The following ALDH3A2 variants were observed in gnomAD, a reference collection of about 807,000 sequenced individuals.
The protein encoded by ALDH3A2 is aldehyde dehydrogenase 3 family member A2.
Under a neutral mutation model 51.3 loss-of-function variants are expected in ALDH3A2, and 36 were observed. The observed-to-expected ratio is 0.70, with a 90% confidence interval of 0.54 to 0.93. The LOEUF (loss-of-function observed/expected upper bound fraction) is 0.93, where lower values mean the gene tolerates loss of function less well. ALDH3A2 is among the 40% of genes least tolerant of loss of function. The pLI is 0.00. For missense variants in ALDH3A2, 552 were observed against 603.1 expected (o/e 0.92, Z 0.89); for synonymous variants, 199 against 219.8 (o/e 0.91, Z 0.84).
intron 9 of ALDH3A2, chr17:19,674,777 C>T (rs2085165398): frequency 6.6e-6 from 1 of 152,088 alleles, no homozygotes; most frequent in South Asian, 2.1e-4. Flanking sequence ...ATCAAATTAC[C>T]TTTTATTTAA....
chr17:19,649,346 G>T (rs2084782898), intron 1 of ALDH3A2: 1 of 563,640 alleles, frequency 1.8e-6, no homozygotes, highest in South Asian at 2.5e-5. Context: ...TTCCTTTTCT[G>T]CCTTTTCTAT....
chr17:19,652,118 C>T (rs937930106), intron 2 of ALDH3A2, among the ~76,000 whole-genome samples: 1 of 152,134 alleles, frequency 6.6e-6, no homozygotes, highest in African/African-American at 2.4e-5. Context: ...TCTGTCTGAC[C>T]AGTTTCTTCA....
intron 1 of ALDH3A2, 67 bp downstream of exon 1, chr17:19,649,191 G>C: frequency 6.6e-7 from 1 of 1,520,006 alleles, no homozygotes; most frequent in Non-Finnish European, 8.9e-7. Flanking sequence ...CTGGAGCTTC[G>C]GCTGGGTTTT....
chr17:19,671,803 A>G lies in ALDH3A2; in HGVS notation c.1290A>G (p.Leu430=), dbSNP rs2085117598. 1 of 1,614,072 alleles carries G rather than the reference A, an allele frequency of 6.2e-7. No individual in the cohort carries two copies. The highest frequency in any genetic ancestry group is 8.5e-7 in the Non-Finnish European group (1 of 1,180,040). The part of the protein sequence containing the change: ...SHQRPCLLKS[L]KREGANKLRY... ...AGCGTCCCTGTTTATTAAAAAGTTTAAAGAGAGAAGGTGCTAACAAACTCA... is the reference window on the plus strand; with the variant it reads ...AGCGTCCCTGTTTATTAAAAAGTTTGAAGAGAGAAGGTGCTAACAAACTCA... Residue 430 remains leucine (L), a synonymous_variant, in exon 9 of 10, where the codon TTA becomes TTG. Coordinates refer to ENST00000176643, the MANE Select transcript of ALDH3A2 (RefSeq NM_000382.3).
Position 19,663,523 on chromosome 17 carries a change from G to A in ALDH3A2, c.1107+24G>A, listed in dbSNP as rs952504983. 9.9e-6 allele frequency: 16 copies of A among 1,611,744 alleles called. No homozygotes were observed. The East Asian group carries it at 3.6e-4, about 36-fold the overall frequency. On this transcript the variant is annotated intron_variant, in intron 7 of 9. Transcript: ENST00000176643. Reference sequence around the variant, plus strand: ...AGGTAAGCTTTAGAGAGAACAGCTAGTTAGCATAAGCAACTGTCAAGAGTC... The same window carrying A: ...AGGTAAGCTTTAGAGAGAACAGCTAATTAGCATAAGCAACTGTCAAGAGTC...
intron 5 of ALDH3A2, among the ~76,000 whole-genome samples, chr17:19,660,317 G>A (rs2084950222): frequency 6.6e-6 from 1 of 152,054 alleles, no homozygotes; most frequent in South Asian, 2.1e-4. Context: ...TACTGTTGGT[G>A]ACTCTCGAGT....
rs758267023 is a variant in ALDH3A2 at position 19,663,398 on chromosome 17, A to G, written c.1006A>G (p.Ile336Val). 3.7e-6 allele frequency: 6 copies of G among 1,614,068 alleles called. No individual in the cohort carries two copies. Among genetic ancestry groups the G allele is most frequent in the South Asian group, 1.1e-5 (1 of 91,090 alleles). ...KVMQEEIFGP[I>V]LPIVPVKNVD... ...GATGCAAGAAGAAATTTTTGGACCAATTCTTCCAATAGTGCCTGTGAAAAA... is the reference window on the plus strand; with the variant it reads ...GATGCAAGAAGAAATTTTTGGACCAGTTCTTCCAATAGTGCCTGTGAAAAA... Residue 336 changes from isoleucine (I) to valine (V), a missense_variant, in exon 7 of 10, where the codon ATT becomes GTT. Physicochemically the swap from Ile to Val is conservative, Grantham distance 29 (BLOSUM62 3). Transcript: ENST00000176643.
chr17:19,668,219 A>G (rs1279327300), intron 8 of ALDH3A2, among the ~76,000 whole-genome samples: 1 of 151,990 alleles, frequency 6.6e-6, no homozygotes, highest in Admixed American at 6.6e-5. Context: ...TCCAGATTTT[A>G]ATTTTTCTTT....
In ALDH3A2 at chr17:19,651,783, G is replaced by A. The variant is rs758189958; in HGVS notation, c.385+5G>A. The A allele has an allele frequency of 6.2e-7, 1 of 1,611,944 alleles. No homozygotes were observed. Among genetic ancestry groups the A allele is most frequent in the Admixed American group, 1.7e-5 (1 of 59,988 alleles). On this transcript the variant is annotated splice_donor_5th_base_variant and intron_variant, in intron 2 of 9. Coordinates refer to ENST00000176643, the MANE Select transcript of ALDH3A2 (RefSeq NM_000382.3). ...TGATAGGAGCCATCGCTGCAGGTCTGGTGCCACCTTATGTCTATATACCTT... is the reference window on the plus strand; with the variant it reads ...TGATAGGAGCCATCGCTGCAGGTCTAGTGCCACCTTATGTCTATATACCTT...
intron 5 of ALDH3A2, among the ~76,000 whole-genome samples, chr17:19,658,837 G>T (rs2152329197): frequency 6.6e-6 from 1 of 151,944 alleles, no homozygotes; most frequent in Admixed American, 6.6e-5. Context: ...CCCCTCAGAT[G>T]AAAGAAATTA....
chr17:19,663,232 G>T, intron 6 of ALDH3A2, 101 bp from the exon 7 acceptor site: 1 of 1,366,278 alleles, frequency 7.3e-7, no homozygotes, highest in South Asian at 1.2e-5. Flanking sequence ...TTGGGTGGGA[G>T]AGGGAAAGGC....
At chr17:19,666,153 G>A (rs140336089) in intron 8 of ALDH3A2, among the ~76,000 whole-genome samples, 1 of 152,060 alleles carries the variant, frequency 6.6e-6, no homozygotes, top group African/African-American at 2.4e-5. Context: ...GAAAGGGAAG[G>A]GGGTATTTTT....
Position 19,657,766 on chromosome 17 carries a change from C to A in ALDH3A2, c.702C>A (p.Tyr234Ter). Residue 234 changes from tyrosine to a stop codon, truncating the protein, a stop_gained, in exon 5 of 10, where the codon TAC becomes TAA. Transcript: ENST00000176643. LOFTEE classifies it high-confidence loss of function. ...IVCRRITWGK[Y>*]MNCGQTCIAP... Reference sequence around the variant, plus strand: ...TCAGACGCATAACCTGGGGAAAATACATGAATTGTGGCCAAACCTGCATTG... The same window carrying A: ...TCAGACGCATAACCTGGGGAAAATAAATGAATTGTGGCCAAACCTGCATTG... 6.2e-7 allele frequency: 1 copy of A among 1,613,624 alleles called. No homozygotes were observed. The highest frequency in any genetic ancestry group is 8.5e-7 in the Non-Finnish European group (1 of 1,179,612).
At position 19,654,400 on chromosome 17, in the gene ALDH3A2, C is replaced by T. The variant is rs1328126746; in HGVS notation, c.471+1768C>T. 1.3e-5 allele frequency among the ~76,000 whole-genome samples: 2 copies of T among 152,216 alleles called. No homozygotes were observed. Among genetic ancestry groups the T allele is most frequent in the African/African-American group, 4.8e-5 (2 of 41,466 alleles). On this transcript the variant is annotated intron_variant, in intron 3 of 9. Transcript: ENST00000176643. The surrounding 1 kb of genome is among the most constrained non-coding windows in gnomAD (Gnocchi z 4.5). ...CAGGGAGGCTCGGGCAGCATGGGAA[C>T]CCACCAGGGGCGGGGTGGGGGCCTT...
chr17:19,657,717 A>G (rs771641423), intron 4 of ALDH3A2, 28 bp from the exon 5 acceptor site: 1 of 1,410,618 alleles, frequency 7.1e-7, no homozygotes, highest in Non-Finnish European at 1.0e-6. Flanking sequence ...ACTGAATTAT[A>G]TAGCTGTTCT....
rs749510859 is a variant in ALDH3A2, at chr17:19,652,652, T to C, written c.471+20T>C. The C allele has an allele frequency of 1.3e-6, 2 of 1,558,520 alleles. No homozygotes were observed. Among genetic ancestry groups the C allele is most frequent in the Non-Finnish European group, 1.8e-6 (2 of 1,129,384 alleles). ...GACCAGGTAAGAATTTCTTGACTCA[T>C]CTCCAACATATGTGTTTACTGTGGA... is the stretch of plus-strand genomic sequence containing the variant. On this transcript the variant is annotated intron_variant, in intron 3 of 9. Coordinates refer to ENST00000176643, the MANE Select transcript of ALDH3A2 (RefSeq NM_000382.3).
intron 3 of ALDH3A2, among the ~76,000 whole-genome samples, chr17:19,653,176 C>G (rs2084841252): frequency 6.6e-6 from 1 of 151,686 alleles, no homozygotes; most frequent in African/African-American, 2.4e-5. Context: ...TCCCAAGTAG[C>G]TGGGATTACA....
At chr17:19,652,521 AC>A (rs1250390085) in intron 2 of ALDH3A2, 25 bp from the exon 3 acceptor site, 1 of 1,550,720 alleles carries the variant, frequency 6.4e-7, no homozygotes, top group Admixed American at 1.7e-5. Flanking sequence ...ATTAGATGAT[AC>A]TGTTCTACTT....
intron 3 of ALDH3A2, 147 bp downstream of exon 3, chr17:19,652,779 G>A (rs568339339): frequency 1.3e-4 from 91 of 713,218 alleles, no homozygotes; most frequent in South Asian, 5.4e-4. Context: ...AAAGAAGTTC[G>A]GTTCCAAAAT....
Sources: gnomAD v4.1 joint callset for allele counts (sites outside exome capture counted in the v4.1 genomes callset) on GRCh38, gnomAD v4.1.1 for gene constraint, Gnocchi (gnomAD v3.1) non-coding constraint, MANE v1.5 for transcripts, NCBI Gene and HGNC (gene_info 2026-07-23, HGNC 2026-07-21) for gene names.